The following MAP3K21 variants were observed in gnomAD, a reference collection of about 807,000 sequenced individuals.
The protein encoded by MAP3K21 is mitogen-activated protein kinase kinase kinase MLK4.
A neutral mutation model predicts 86.1 loss-of-function variants in MAP3K21; 63 were observed. That is an observed-to-expected ratio of 0.73 (90% CI 0.60 to 0.90). The LOEUF (loss-of-function observed/expected upper bound fraction) is 0.90, where lower values mean the gene tolerates loss of function less well. MAP3K21 is among the 40% of genes least tolerant of loss of function. MAP3K21 has a pLI of 0.00. For missense variants in MAP3K21, 1,220 were observed against 1,367.7 expected, an observed-to-expected ratio of 0.89 and a Z score of 1.70; for synonymous variants, 558 against 564.8, an observed-to-expected ratio of 0.99 and a Z score of 0.17.
intron 5 of MAP3K21, among the ~76,000 whole-genome samples, chr1:233,370,138 C>CAGG (rs1663656517): frequency 6.6e-6 from 1 of 152,042 alleles, no homozygotes; most frequent in Non-Finnish European, 1.5e-5. Flanking sequence ...TGGTGATTGG[C>CAGG]CGTGCAGATG....
chr1:233,345,581 A>T (rs1439671372), intron 1 of MAP3K21, among the ~76,000 whole-genome samples: 2 of 148,392 alleles, frequency 1.3e-5, no homozygotes, highest in African/African-American at 5.0e-5. Flanking sequence ...GGGGCCTGTC[A>T]TGGGATGGGG....
In MAP3K21 at chr1:233,328,201, G is replaced by A. The variant is rs1421193256; in HGVS notation, c.173G>A (p.Ser58Asn). The part of the protein sequence containing the change: ...DYEARGEDEL[S>N]LRRGQLVEVL... The stretch of plus-strand genomic sequence containing the variant: ...GAGGCTCGCGGCGAGGACGAGCTGA[G>A]CCTGCGGCGCGGCCAGCTGGTGGAG... The change falls in exon 1 of 10, where the codon AGC becomes AAC. Residue 58 changes from serine to asparagine, a missense_variant. By Grantham distance (46) the Ser-to-Asn change is conservative. Around this residue, in one of 5 missense-constraint regions of MAP3K21, gnomAD observed 369 missense variants for 385.3 expected, o/e 0.96. Coordinates refer to ENST00000366624, the MANE Select transcript of MAP3K21 (RefSeq NM_032435.3). The surrounding 1 kb of genome is among the most constrained non-coding windows in gnomAD (Gnocchi z 8.7). 6.7e-7 allele frequency: 1 copy of A among 1,487,652 alleles called. No homozygotes were observed. Among genetic ancestry groups the A allele is most frequent in the Admixed American group, 2.2e-5 (1 of 44,462 alleles). 92.2% of individuals were successfully genotyped at this position (1,487,652 alleles called of 1,614,324 possible).
chr1:233,349,025 A>G (rs961338801), intron 2 of MAP3K21, among the ~76,000 whole-genome samples: 2 of 152,302 alleles, frequency 1.3e-5, no homozygotes, highest in Non-Finnish European at 1.5e-5. Flanking sequence ...ATTTAAAATT[A>G]TGATTTAATT....
intron 5 of MAP3K21, among the ~76,000 whole-genome samples, chr1:233,370,023 T>A (rs1277057620): frequency 3.3e-5 from 5 of 152,174 alleles, no homozygotes; most frequent in African/African-American, 9.7e-5. Context: ...GACATGTCAG[T>A]CAGGCATATT....
At chr1:233,358,356 T>C (rs892268527) in intron 4 of MAP3K21, among the ~76,000 whole-genome samples, 3 of 152,032 alleles carry the variant, frequency 2.0e-5, no homozygotes, top group African/African-American at 7.3e-5. Context: ...CTGACTGGAA[T>C]AGGTTTGACA....
chr1:233,357,274 G>A (rs894679702), intron 4 of MAP3K21, among the ~76,000 whole-genome samples: 29 of 152,122 alleles, frequency 1.9e-4, no homozygotes, highest in African/African-American at 6.3e-4. Context: ...AGAGGAGGGA[G>A]GGATAGCATT....
chr1:233,342,788 C>T (rs959120956), intron 1 of MAP3K21, among the ~76,000 whole-genome samples: 2 of 151,930 alleles, frequency 1.3e-5, no homozygotes, highest in African/African-American at 2.4e-5. Context: ...TTCCTTCCTC[C>T]CTGCCTCTCT....
At chr1:233,372,497 T>C (rs543222666) in intron 6 of MAP3K21, 2 of 336,224 alleles carry the variant, frequency 5.9e-6, no homozygotes, top group South Asian at 3.1e-4. Flanking sequence ...TGTGTCAGGG[T>C]ACTTTGAAAA....
rs563072111 is a variant in MAP3K21, at chr1:233,364,722, G to A, written c.1552+2429G>A. Among the ~76,000 whole-genome samples the A allele has an allele frequency of 7.9e-5, 12 of 152,020 alleles. No individual in the cohort carries two copies. The South Asian group carries it at 2.5e-3, about 32-fold the overall frequency. On this transcript the variant is annotated intron_variant, in intron 5 of 9. Transcript: ENST00000366624. Reference sequence around the variant, plus strand: ...TGTATTATACAGCTTTTCTTTTCCTGAGAAGAGAGGAGAAATTTTAGTTAC... The same window carrying A: ...TGTATTATACAGCTTTTCTTTTCCTAAGAAGAGAGGAGAAATTTTAGTTAC...
intron 1 of MAP3K21, among the ~76,000 whole-genome samples, chr1:233,339,381 C>T (rs1453042260): frequency 9.9e-6 from 1 of 100,568 alleles, no homozygotes; most frequent in Non-Finnish European, 1.9e-5. Context: ...TCTCCTTCTT[C>T]TCCTTCTTCT....
At chr1:233,366,469 T>G (rs1469878741) in intron 5 of MAP3K21, among the ~76,000 whole-genome samples, 1 of 152,182 alleles carries the variant, frequency 6.6e-6, no homozygotes, top group African/African-American at 2.4e-5. Context: ...CATAAATATG[T>G]ATAATTTTTA....
intron 6 of MAP3K21, among the ~76,000 whole-genome samples, chr1:233,375,339 A>G (rs1663772616): frequency 6.6e-6 from 1 of 152,212 alleles, no homozygotes; most frequent in South Asian, 2.1e-4. Context: ...CCTGTGAGGT[A>G]GTGAAAAAAG....
intron 1 of MAP3K21, among the ~76,000 whole-genome samples, chr1:233,334,785 T>G (rs1200827764): frequency 2.0e-5 from 3 of 152,184 alleles, no homozygotes; most frequent in African/African-American, 7.2e-5. Flanking sequence ...TTGCGGTCAT[T>G]GCTTTATGAC....
At chr1:233,368,727 C>A (rs1219916920) in intron 5 of MAP3K21, among the ~76,000 whole-genome samples, 1 of 151,958 alleles carries the variant, frequency 6.6e-6, no homozygotes, top group Non-Finnish European at 1.5e-5. Context: ...TTTGGTTTGT[C>A]TTCCAAATCT....
chr1:233,365,427 G>A (rs1663555369), intron 5 of MAP3K21, among the ~76,000 whole-genome samples: 1 of 152,068 alleles, frequency 6.6e-6, no homozygotes, highest in Non-Finnish European at 1.5e-5. Flanking sequence ...ATAACTCAAT[G>A]GCAAAAACAC....
At chr1:233,365,292 C>G (rs1235456184) in intron 5 of MAP3K21, among the ~76,000 whole-genome samples, 1 of 152,076 alleles carries the variant, frequency 6.6e-6, no homozygotes, top group Non-Finnish European at 1.5e-5. Context: ...TATATTGAAC[C>G]GAAAAGCTTC....
chr1:233,379,978 C>T (rs1663883364), intron 9 of MAP3K21, among the ~76,000 whole-genome samples: 1 of 152,170 alleles, frequency 6.6e-6, no homozygotes, highest in African/African-American at 2.4e-5. Flanking sequence ...CCACCCAGCC[C>T]CCTCACGTTA....
Position 233,362,298 on chromosome 1 carries a change from G to A in MAP3K21, c.1552+5G>A. On this transcript the variant is annotated splice_donor_5th_base_variant and intron_variant, in intron 5 of 9. Transcript: ENST00000366624. ...ATCGAATCAGTTTACCTTCAGGTATGATCTTGTTTTTATGTTTTTGAAAGA... is the reference window on the plus strand; with the variant it reads ...ATCGAATCAGTTTACCTTCAGGTATAATCTTGTTTTTATGTTTTTGAAAGA... 6.2e-7 allele frequency: 1 copy of A among 1,612,402 alleles called. No homozygotes were observed. Among genetic ancestry groups the A allele is most frequent in the African/African-American group, 1.3e-5 (1 of 74,950 alleles).
chr1:233,376,868 G>A (rs1257041668), intron 8 of MAP3K21, among the ~76,000 whole-genome samples: 1 of 152,076 alleles, frequency 6.6e-6, no homozygotes, highest in Non-Finnish European at 1.5e-5. Flanking sequence ...GAGATTAAGG[G>A]GTATGGCTTC....
Sources: allele counts gnomAD v4.1 joint callset (sites outside exome capture counted in the v4.1 genomes callset), GRCh38; gene constraint gnomAD v4.1.1; regional missense constraint gnomAD v4.1.1; non-coding constraint Gnocchi (gnomAD v3.1); transcripts MANE v1.5; gene names NCBI Gene and HGNC (gene_info 2026-07-23, HGNC 2026-07-21).